ARHGAP24: variants seen among roughly 807,000 people sequenced by gnomAD.
ARHGAP24 encodes rho GTPase-activating protein 24.
In ARHGAP24, 50 loss-of-function variants were observed where a neutral mutation model predicts 76.4. The ratio of observed to expected loss-of-function variants is 0.65; its 90% CI spans 0.52 to 0.83. The LOEUF is 0.83. Among genes scored for constraint, ARHGAP24 ranks in the 40% least tolerant of loss-of-function variants. The pLI, the probability that ARHGAP24 is intolerant of heterozygous loss-of-function variation, is 0.00. For missense variants in ARHGAP24, 930 were observed against 914.2 expected (o/e 1.02, Z -0.22); for synonymous variants, 345 against 323.3 (o/e 1.07, Z -0.72).
chr4:85,792,110 G>A (rs1019019258), intron 3 of ARHGAP24, among the ~76,000 whole-genome samples: 3 of 151,672 alleles, frequency 2.0e-5, no homozygotes, highest in Non-Finnish European at 2.9e-5. Flanking sequence ...GAACAAATGG[G>A]GTGGCAATTC....
chr4:85,957,877 A>G (rs1738014431), intron 5 of ARHGAP24, among the ~76,000 whole-genome samples: 1 of 152,064 alleles, frequency 6.6e-6, no homozygotes, highest in Non-Finnish European at 1.5e-5. Flanking sequence ...GTCATGTTGC[A>G]TCATGTTTTA....
chr4:85,598,450 C>T (rs946629940), intron 2 of ARHGAP24, among the ~76,000 whole-genome samples: 2 of 151,872 alleles, frequency 1.3e-5, no homozygotes, highest in African/African-American at 2.4e-5. Flanking sequence ...ATTTCTCTTC[C>T]CAAATCACAA....
intron 3 of ARHGAP24, among the ~76,000 whole-genome samples, chr4:85,752,273 A>T (rs750084669): frequency 2.6e-5 from 4 of 152,160 alleles, no homozygotes; most frequent in African/African-American, 4.8e-5. Context: ...GTGAATAAGT[A>T]CAGTTTGTCT....
intron 2 of ARHGAP24, among the ~76,000 whole-genome samples, chr4:85,662,654 T>C (rs1283089606): frequency 6.6e-6 from 1 of 152,096 alleles, no homozygotes; most frequent in African/African-American, 2.4e-5. Context: ...GTTTTAGGTC[T>C]AACGTTTAAG....
intron 3 of ARHGAP24, among the ~76,000 whole-genome samples, chr4:85,773,696 A>G (rs1258075093): frequency 6.6e-6 from 1 of 152,180 alleles, no homozygotes; most frequent in Non-Finnish European, 1.5e-5. Flanking sequence ...GGCACATTAT[A>G]TGGGCTCAAC....
intron 3 of ARHGAP24, among the ~76,000 whole-genome samples, chr4:85,894,096 T>TAAAAA (rs139310412): frequency 5.5e-5 from 3 of 54,098 alleles, no homozygotes; most frequent in Admixed American, 1.6e-4. Context: ...ACTTAGAGTA[T>TAAAAA]AATAAAAAAA....
rs1437987112 is a variant in ARHGAP24 at position 85,882,275 on chromosome 4, A to C, written c.269-41373A>C. Among the ~76,000 whole-genome samples, 9 of 152,330 alleles carry C rather than the reference A, an allele frequency of 5.9e-5. No homozygotes were observed. The East Asian group carries it at 1.7e-3, about 29-fold the overall frequency. On this transcript the variant is annotated intron_variant, in intron 3 of 9. Coordinates refer to ENST00000395184, the MANE Select transcript of ARHGAP24 (RefSeq NM_001025616.3). ...ATTGATTCTCAGTTTCCTCTTCTTT[A>C]AAATTTGCAGATATTATCAGTATCA...
At chr4:85,943,216 T>C (rs907477607) in intron 5 of ARHGAP24, among the ~76,000 whole-genome samples, 1 of 152,192 alleles carries the variant, frequency 6.6e-6, no homozygotes, top group Non-Finnish European at 1.5e-5. Flanking sequence ...ATAAGAGTAA[T>C]CCTGATGCTT....
intron 1 of ARHGAP24, among the ~76,000 whole-genome samples, chr4:85,484,394 C>A (rs1224727079): frequency 6.6e-6 from 1 of 151,826 alleles, no homozygotes; most frequent in Admixed American, 6.6e-5. Context: ...AAAGCACAGG[C>A]AGATGGGAAA....
At chr4:85,583,026 C>T (rs1220959934) in intron 2 of ARHGAP24, among the ~76,000 whole-genome samples, 2 of 152,032 alleles carry the variant, frequency 1.3e-5, no homozygotes, top group Non-Finnish European at 2.9e-5. Context: ...TGTTGCATTC[C>T]ACACAGCTGA....
chr4:85,647,446 G>A (rs1007830243), intron 2 of ARHGAP24, among the ~76,000 whole-genome samples: 2 of 152,048 alleles, frequency 1.3e-5, no homozygotes, highest in African/African-American at 4.8e-5. Flanking sequence ...CCATGCTGTA[G>A]TAATAAGTGT....
intron 1 of ARHGAP24, among the ~76,000 whole-genome samples, chr4:85,499,773 G>A (rs931154137): frequency 6.6e-6 from 1 of 152,170 alleles, no homozygotes; most frequent in Non-Finnish European, 1.5e-5. Flanking sequence ...GTGCTGTTCC[G>A]TGTGGTAGGC....
chr4:85,502,987 T>G (rs1030578906), intron 1 of ARHGAP24, among the ~76,000 whole-genome samples: 3 of 152,260 alleles, frequency 2.0e-5, no homozygotes, highest in Admixed American at 6.5e-5. Flanking sequence ...ATGTGGTTTT[T>G]GTCGTAGGTT....
chr4:85,499,578 GCC>G (rs1421029150), intron 1 of ARHGAP24, among the ~76,000 whole-genome samples: 2 of 152,202 alleles, frequency 1.3e-5, no homozygotes, highest in African/African-American at 4.8e-5. Flanking sequence ...CTCTTACCTA[GCC>G]TGCAGCCTTG....
intron 3 of ARHGAP24, among the ~76,000 whole-genome samples, chr4:85,898,423 AT>A (rs1223365103): frequency 6.6e-6 from 1 of 152,146 alleles, no homozygotes; most frequent in East Asian, 1.9e-4. Context: ...ACGTATTTAT[AT>A]CCATACTCTT....
At chr4:85,501,254 T>C (rs935148095) in intron 1 of ARHGAP24, among the ~76,000 whole-genome samples, 1 of 152,236 alleles carries the variant, frequency 6.6e-6, no homozygotes, top group Non-Finnish European at 1.5e-5. Context: ...ATGGGATGGC[T>C]GGGTCAAATG....
intron 2 of ARHGAP24, among the ~76,000 whole-genome samples, chr4:85,650,935 A>C (rs1210499880): frequency 1.3e-5 from 2 of 149,704 alleles, no homozygotes; most frequent in African/African-American, 5.1e-5. Flanking sequence ...TTGCCTTTGA[A>C]AATCTGCAAA....
intron 2 of ARHGAP24, among the ~76,000 whole-genome samples, chr4:85,713,052 C>T (rs1053612760): frequency 3.9e-5 from 6 of 152,088 alleles, no homozygotes; most frequent in South Asian, 2.1e-4. Context: ...AATCCCAGCA[C>T]GTGAAGAGTC....
At chr4:85,577,670 A>G (rs899672997) in intron 2 of ARHGAP24, among the ~76,000 whole-genome samples, 3 of 152,214 alleles carry the variant, frequency 2.0e-5, no homozygotes, top group Non-Finnish European at 2.9e-5. Flanking sequence ...AGGCATAATT[A>G]TAGTTATTAT....
Sources: allele counts gnomAD v4.1 joint callset (sites outside exome capture counted in the v4.1 genomes callset), GRCh38; gene constraint gnomAD v4.1.1; transcripts MANE v1.5; gene names NCBI Gene and HGNC (gene_info 2026-07-23, HGNC 2026-07-21).